Variants in RTTN observed in about 807,000 individuals in gnomAD.
RTTN encodes the protein rotatin.
Under a neutral mutation model 269.2 loss-of-function variants are expected in RTTN, and 182 were observed. The ratio of observed to expected loss-of-function variants is 0.68; its 90% CI spans 0.60 to 0.76. The LOEUF (loss-of-function observed/expected upper bound fraction) is 0.76. Among genes scored for constraint, RTTN ranks in the 30% least tolerant of loss-of-function variants. RTTN has a pLI of 0.00. For synonymous variants in RTTN, 1,006 were observed against 963.5 expected (o/e 1.04, Z -0.82); for missense variants, 2,545 against 2,608.6 (o/e 0.98, Z 0.53).
intron 14 of RTTN, among the ~76,000 whole-genome samples, chr18:70,164,524 T>G (rs975777645): frequency 6.7e-6 from 1 of 148,948 alleles, no homozygotes; most frequent in African/African-American, 2.4e-5. Flanking sequence ...TAAAATAAAT[T>G]TTATGTTATA....
At chr18:70,032,548 A>G (rs963868794) in intron 40 of RTTN, among the ~76,000 whole-genome samples, 9 of 152,262 alleles carry the variant, frequency 5.9e-5, no homozygotes, top group African/African-American at 2.2e-4. Context: ...CAGACAAAAT[A>G]GACTTTAAAC....
intron 7 of RTTN, 90 bp from the exon 8 acceptor site, chr18:70,193,543 T>C (rs2146117847): frequency 1.0e-6 from 1 of 990,028 alleles, no homozygotes; most frequent in Non-Finnish European, 1.4e-6. Flanking sequence ...CCAAAAACAT[T>C]AACAAATTAA....
intron 43 of RTTN, among the ~76,000 whole-genome samples, chr18:70,026,024 T>C (rs1408795532): frequency 1.3e-5 from 2 of 152,208 alleles, no homozygotes; most frequent in African/African-American, 4.8e-5. Context: ...TTTCCTTTCA[T>C]CTTATATGTC....
At chr18:70,199,161 G>A (rs1055062110) in intron 5 of RTTN, among the ~76,000 whole-genome samples, 3 of 152,050 alleles carry the variant, frequency 2.0e-5, no homozygotes, top group South Asian at 4.2e-4. Flanking sequence ...ACTCCAGCCC[G>A]GGTGACAGAG....
intron 26 of RTTN, 108 bp from the exon 27 acceptor site, chr18:70,114,707 C>G: frequency 1.2e-6 from 1 of 834,158 alleles, no homozygotes; most frequent in Admixed American, 3.0e-5. Context: ...TATTACCTAA[C>G]TAGTAGGTGT....
chr18:70,205,028 T>A, intron 2 of RTTN, 100 bp downstream of exon 2: 1 of 1,248,988 alleles, frequency 8.0e-7, no homozygotes, highest in Non-Finnish European at 1.1e-6. Context: ...TTAAAAAAAC[T>A]TTTAACCCCA....
intron 14 of RTTN, among the ~76,000 whole-genome samples, chr18:70,162,434 T>G (rs1381891003): frequency 6.6e-6 from 1 of 152,088 alleles, no homozygotes; most frequent in Non-Finnish European, 1.5e-5. Flanking sequence ...GGGTAATACA[T>G]AAGGAAAGAA....
chr18:70,090,310 T>C (rs1386360831), intron 30 of RTTN, among the ~76,000 whole-genome samples: 1 of 152,160 alleles, frequency 6.6e-6, no homozygotes, highest in Non-Finnish European at 1.5e-5. Flanking sequence ...CTCCTACACA[T>C]ACATATCTAT....
intron 32 of RTTN, among the ~76,000 whole-genome samples, chr18:70,076,269 T>C (rs2058427480): frequency 6.6e-6 from 1 of 152,094 alleles, no homozygotes. Flanking sequence ...TAAATATTTC[T>C]ATTTTCTGGG....
chr18:70,203,959 G>A (rs1310778048), intron 3 of RTTN, 127 bp downstream of exon 3: 3 of 723,782 alleles, frequency 4.1e-6, no homozygotes, highest in Admixed American at 3.1e-5. Context: ...AATCATGTAA[G>A]TTAACACAAG....
Position 70,143,810 on chromosome 18 carries a change from G to A in RTTN, c.2482-1423C>T, listed in dbSNP as rs1189482531. Among the ~76,000 whole-genome samples the A allele has an allele frequency of 3.3e-5, 5 of 151,392 alleles. No individual in the cohort carries two copies. The East Asian group carries it at 9.7e-4, about 29-fold the overall frequency. On this transcript the variant is annotated intron_variant, in intron 18 of 48. Transcript: ENST00000640769. ...CAACAATGATGCAGTAGGTCAGGAAGGAACTTAAGATCTAAAATAAAGAGT... is the reference window on the plus strand; with the variant it reads ...CAACAATGATGCAGTAGGTCAGGAAAGAACTTAAGATCTAAAATAAAGAGT...
intron 7 of RTTN, chr18:70,194,430 G>T (rs747846092): frequency 6.6e-6 from 1 of 152,198 alleles, no homozygotes; most frequent in Non-Finnish European, 1.5e-5. Context: ...TCCATATGAC[G>T]CAGCAATTTC....
chr18:70,011,736 C>T (rs1220897725), intron 46 of RTTN, among the ~76,000 whole-genome samples: 7 of 146,578 alleles, frequency 4.8e-5, no homozygotes, highest in Non-Finnish European at 1.1e-4. Context: ...AACTTCTGGC[C>T]AGGGCAATCA....
chr18:70,197,578 A>G (rs1320827188), intron 6 of RTTN, 46 bp downstream of exon 6: 10 of 1,275,868 alleles, frequency 7.8e-6, no homozygotes, highest in Non-Finnish European at 1.1e-5. Flanking sequence ...TTTATTGCAA[A>G]AAGTTCTCTA....
intron 45 of RTTN, chr18:70,019,399 T>C (rs11660872): frequency 6.6e-6 from 1 of 152,082 alleles, no homozygotes; most frequent in African/African-American, 2.4e-5. Context: ...CTCATTCTTA[T>C]GGATGCTAAT....
At chr18:70,100,125 T>C (rs1027487274) in intron 28 of RTTN, among the ~76,000 whole-genome samples, 2 of 152,240 alleles carry the variant, frequency 1.3e-5, no homozygotes, top group Non-Finnish European at 2.9e-5. Flanking sequence ...AGAAAGTCAT[T>C]GGTAGCTTGA....
At chr18:70,152,290 G>A (rs976680783) in intron 14 of RTTN, among the ~76,000 whole-genome samples, 1 of 152,096 alleles carries the variant, frequency 6.6e-6, no homozygotes, top group African/African-American at 2.4e-5. Context: ...TTAAGAATAT[G>A]GGCTTTGGAG....
In RTTN at chr18:70,176,659, G is replaced by C; in HGVS notation, c.1476+16C>G. On this transcript the variant is annotated intron_variant, in intron 11 of 48. Coordinates refer to ENST00000640769, the MANE Select transcript of RTTN (RefSeq NM_173630.4). ...ATAGTCTGTAAAGTACAAATGAGCA[G>C]CATTGCCTGCCTTACCTTTTCAACA... 6.2e-7 allele frequency: 1 copy of C among 1,607,536 alleles called. No homozygotes were observed.
intron 28 of RTTN, among the ~76,000 whole-genome samples, chr18:70,100,332 C>G (rs2059125327): frequency 6.6e-6 from 1 of 152,172 alleles, no homozygotes; most frequent in Non-Finnish European, 1.5e-5. Context: ...ATTTTATTCT[C>G]TTTGAAGCAA....
Sources: gnomAD v4.1 joint callset for allele counts (sites outside exome capture counted in the v4.1 genomes callset) on GRCh38, gnomAD v4.1.1 for gene constraint, MANE v1.5 for transcripts, NCBI Gene and HGNC (gene_info 2026-07-23, HGNC 2026-07-21) for gene names.